Variants in MVB12B observed in about 807,000 individuals in gnomAD.
MVB12B encodes ESCRT-I complex subunit MVB12B.
Under a neutral mutation model 41.6 loss-of-function variants are expected in MVB12B, and 16 were observed. The observed-to-expected ratio is 0.38, with a 90% CI of 0.26 to 0.58. The LOEUF is 0.58. Among genes scored for constraint, MVB12B ranks in the 20% least tolerant of loss-of-function variants. MVB12B has a pLI of 0.62. For missense variants in MVB12B, 274 were observed against 380.2 expected (o/e 0.72, Z 2.32); for synonymous variants, 133 against 139.7 (o/e 0.95, Z 0.34).
At chr9:126,451,870 C>T (rs1459945615) in intron 7 of MVB12B, among the ~76,000 whole-genome samples, 1 of 152,218 alleles carries the variant, frequency 6.6e-6, no homozygotes, top group Non-Finnish European at 1.5e-5. Flanking sequence ...ATTAGGTTAG[C>T]CGTGTGACTG....
chr9:126,377,564 A>G (rs1475836728), intron 2 of MVB12B, among the ~76,000 whole-genome samples: 1 of 152,070 alleles, frequency 6.6e-6, no homozygotes, highest in African/African-American at 2.4e-5. Flanking sequence ...GGCTTTTCAC[A>G]CTGCCCTGAT....
chr9:126,495,397 C>T (rs564574249), intron 9 of MVB12B, among the ~76,000 whole-genome samples: 6 of 152,302 alleles, frequency 3.9e-5, no homozygotes, highest in South Asian at 2.1e-4. Flanking sequence ...GTCATGCAGC[C>T]GTCTTCATTT....
chr9:126,474,127 T>A (rs1166047531), intron 7 of MVB12B, among the ~76,000 whole-genome samples: 1 of 152,066 alleles, frequency 6.6e-6, no homozygotes, highest in Non-Finnish European at 1.5e-5. Context: ...CGTGGGGGGA[T>A]GAAGCCCCAT....
chr9:126,401,632 C>G (rs1831271275), intron 6 of MVB12B, among the ~76,000 whole-genome samples: 1 of 152,202 alleles, frequency 6.6e-6, no homozygotes. Context: ...GGTTAATGGC[C>G]CTTCCTAGAG....
At position 126,459,862 on chromosome 9, in the gene MVB12B, A is replaced by G. The variant is rs573319714; in HGVS notation, c.758-21507A>G. Among the ~76,000 whole-genome samples, 4 of 152,254 alleles carry G rather than the reference A, an allele frequency of 2.6e-5. No individual in the cohort carries two copies. Among genetic ancestry groups the G allele is most frequent in the African/African-American group, 9.6e-5 (4 of 41,534 alleles). ...TCAGCCCACCCATCTCGAGGGAGAG[A>G]AAGGGCTCCGGGGCTCAGTAATGGT... On this transcript the variant is annotated intron_variant, in intron 7 of 9. Transcript: ENST00000361171. This position sits in a 1 kb window ranked among gnomAD's most constrained non-coding sequence, Gnocchi z 4.3.
chr9:126,422,033 G>T (rs529740918), intron 7 of MVB12B, 85 bp downstream of exon 7: 84 of 934,442 alleles, frequency 9.0e-5, no homozygotes, highest in Non-Finnish European at 1.3e-4. Context: ...TCTTCTCGTG[G>T]GATCTGTCTG....
intron 2 of MVB12B, among the ~76,000 whole-genome samples, chr9:126,354,208 T>C (rs1829823521): frequency 6.6e-6 from 1 of 152,218 alleles, no homozygotes; most frequent in African/African-American, 2.4e-5. Context: ...TTATATATTC[T>C]GTGTATTGGT....
At chr9:126,479,462 C>T (rs1173141282) in intron 7 of MVB12B, among the ~76,000 whole-genome samples, 3 of 152,198 alleles carry the variant, frequency 2.0e-5, no homozygotes, top group Admixed American at 6.5e-5. Flanking sequence ...GCAGCATACA[C>T]GCATAGGTAC....
chr9:126,493,905 T>TA (rs971677363), intron 9 of MVB12B, among the ~76,000 whole-genome samples: 2 of 152,346 alleles, frequency 1.3e-5, no homozygotes, highest in South Asian at 2.1e-4. Context: ...GGCAGGCAGT[T>TA]ACGTCGCCTG....
intron 6 of MVB12B, among the ~76,000 whole-genome samples, chr9:126,421,003 A>G (rs1831998191): frequency 6.6e-6 from 1 of 152,094 alleles, no homozygotes; most frequent in Middle Eastern, 3.4e-3. Flanking sequence ...TAGGCTCCTG[A>G]GCTATTGCAA....
chr9:126,500,120 C>T (rs894045274), intron 9 of MVB12B, among the ~76,000 whole-genome samples: 2 of 152,212 alleles, frequency 1.3e-5, no homozygotes, highest in African/African-American at 2.4e-5. Flanking sequence ...GGGCTGCAAT[C>T]GCCCTTAACC....
chr9:126,494,878 AG>A (rs754448111), intron 9 of MVB12B, among the ~76,000 whole-genome samples: 59 of 132,526 alleles, frequency 4.5e-4, no homozygotes, highest in Non-Finnish European at 8.1e-4. Context: ...ACCCCCCCCC[AG>A]GGTTGTTTGC....
chr9:126,494,379 C>T (rs887539574), intron 9 of MVB12B, among the ~76,000 whole-genome samples: 2 of 152,180 alleles, frequency 1.3e-5, no homozygotes, highest in African/African-American at 2.4e-5. Context: ...TGGCCCAAGG[C>T]ATTCATCATA....
At chr9:126,446,280 G>A (rs1002612801) in intron 7 of MVB12B, among the ~76,000 whole-genome samples, 11 of 151,820 alleles carry the variant, frequency 7.2e-5, no homozygotes, top group Admixed American at 5.2e-4. Flanking sequence ...TTAGCATTTA[G>A]AAAGTTATTG....
rs1325128180 is a variant in MVB12B, at chr9:126,395,776, T to C, written c.662+79T>C. 1 of 1,577,344 alleles carries C rather than the reference T, an allele frequency of 6.3e-7. No individual in the cohort carries two copies. The highest frequency in any genetic ancestry group is 1.4e-5 in the African/African-American group (1 of 73,650). ...AACATTTTAGAACACCACCACTTAGTGTCTGCTGAAATACTGCAAAGTACA... is the reference window on the plus strand; with the variant it reads ...AACATTTTAGAACACCACCACTTAGCGTCTGCTGAAATACTGCAAAGTACA... On this transcript the variant is annotated intron_variant, in intron 6 of 9. Transcript: ENST00000361171. The surrounding 1 kb of genome is among the most constrained non-coding windows in gnomAD (Gnocchi z 4.9).
chr9:126,440,285 G>A (rs571004858), intron 7 of MVB12B, among the ~76,000 whole-genome samples: 4 of 152,278 alleles, frequency 2.6e-5, no homozygotes, highest in East Asian at 1.9e-4. Context: ...TAACTAGGCC[G>A]AAGTACCTCT....
intron 2 of MVB12B, among the ~76,000 whole-genome samples, chr9:126,363,788 C>T (rs548410811): frequency 6.6e-6 from 1 of 152,284 alleles, no homozygotes; most frequent in African/African-American, 2.4e-5. Flanking sequence ...CTCAGAGGTG[C>T]TGTGCCCATC....
intron 2 of MVB12B, among the ~76,000 whole-genome samples, chr9:126,372,696 T>G (rs1407977637): frequency 6.6e-6 from 1 of 152,188 alleles, no homozygotes; most frequent in African/African-American, 2.4e-5. Flanking sequence ...TAGGTGAGGC[T>G]CAGAGAGTAA....
chr9:126,431,071 G>A (rs1477966186), intron 7 of MVB12B, among the ~76,000 whole-genome samples: 4 of 152,212 alleles, frequency 2.6e-5, no homozygotes, highest in Admixed American at 2.6e-4. Context: ...ATTATCACAT[G>A]GGACACGCTG....
Sources: gnomAD v4.1 joint callset for allele counts (sites outside exome capture counted in the v4.1 genomes callset) on GRCh38, gnomAD v4.1.1 for gene constraint, Gnocchi (gnomAD v3.1) non-coding constraint, MANE v1.5 for transcripts, NCBI Gene and HGNC (gene_info 2026-07-23, HGNC 2026-07-21) for gene names.